Variants in SIPA1L1 observed in about 807,000 individuals in gnomAD.
SIPA1L1 encodes signal-induced proliferation-associated 1-like protein 1.
SIPA1L1 carries 26 observed loss-of-function variants against 162.7 expected under a neutral mutation model. The ratio of observed to expected loss-of-function variants is 0.16; its 90% CI spans 0.12 to 0.22. The LOEUF (loss-of-function observed/expected upper bound fraction) is 0.22. Ranked by LOEUF, SIPA1L1 falls within the 10% of genes least tolerant of loss-of-function variation. The probability of loss-of-function intolerance (pLI) is 1.00; values close to 1 mark genes in which losing one functional copy is unlikely to be tolerated. For missense variants in SIPA1L1, 1,874 were observed against 2,241.0 expected (o/e 0.84, Z 3.31); for synonymous variants, 829 against 837.4 (o/e 0.99, Z 0.17).
Position 71,589,236 on chromosome 14 carries a change from G to T in SIPA1L1, c.1364G>T (p.Cys455Phe). The T allele has an allele frequency of 6.2e-7, 1 of 1,614,064 alleles. No homozygotes were observed. Among genetic ancestry groups the T allele is most frequent in the Non-Finnish European group, 8.5e-7 (1 of 1,179,964 alleles). The change falls in exon 5 of 24, where the codon TGC becomes TTC. Residue 455 changes from cysteine (C) to phenylalanine (F), a missense_variant. Transcript: ENST00000381232. ...TTTGAGTCTACCCTTAGTTCCCATT[G>T]CACAAATGCAGGAGTGGCAGTACTT... ...ASFESTLSSH[C>F]TNAGVAVLEV... is the part of the protein sequence containing the mutation.
At chr14:71,542,707 T>C (rs1164317714) in intron 4 of SIPA1L1, among the ~76,000 whole-genome samples, 3 of 89,790 alleles carry the variant, frequency 3.3e-5, no homozygotes, top group Admixed American at 1.1e-4. Flanking sequence ...TCCTCCTCCC[T>C]CCTCCTCCTC....
intron 13 of SIPA1L1, among the ~76,000 whole-genome samples, chr14:71,694,244 GTA>G (rs750710941): frequency 6.6e-6 from 1 of 152,156 alleles, no homozygotes; most frequent in Non-Finnish European, 1.5e-5. Flanking sequence ...GTGCGTGTGT[GTA>G]TGTGTGTGTG....
At chr14:71,392,618 T>G (rs1321290347) in intron 2 of SIPA1L1, among the ~76,000 whole-genome samples, 3 of 152,126 alleles carry the variant, frequency 2.0e-5, no homozygotes, top group Non-Finnish European at 4.4e-5. Context: ...AGCCCCGCCT[T>G]CCGGCTTCAC....
chr14:71,395,264 C>T (rs1029112622), intron 2 of SIPA1L1, among the ~76,000 whole-genome samples: 8 of 152,080 alleles, frequency 5.3e-5, no homozygotes, highest in African/African-American at 7.3e-5. Context: ...TTCACTGGAC[C>T]GGCAGAGTCC....
chr14:71,464,167 G>A (rs1223266853), intron 2 of SIPA1L1, among the ~76,000 whole-genome samples: 3 of 152,160 alleles, frequency 2.0e-5, no homozygotes, highest in African/African-American at 7.2e-5. Context: ...TAGGTCTAAA[G>A]GGACTAATCC....
chr14:71,693,629 T>C (rs1254135285), intron 13 of SIPA1L1, among the ~76,000 whole-genome samples: 1 of 152,188 alleles, frequency 6.6e-6, no homozygotes, highest in Non-Finnish European at 1.5e-5. Context: ...CACGAGTTGC[T>C]TGAAGTTGAA....
chr14:71,383,809 C>A (rs757986205), intron 2 of SIPA1L1, among the ~76,000 whole-genome samples: 5 of 152,146 alleles, frequency 3.3e-5, no homozygotes, highest in African/African-American at 4.8e-5. Flanking sequence ...GATCTGCCTC[C>A]ATGATCTAGT....
intron 23 of SIPA1L1, 118 bp from the exon 24 acceptor site, chr14:71,738,900 G>T: frequency 1.6e-6 from 2 of 1,218,372 alleles, no homozygotes; most frequent in Non-Finnish European, 2.3e-6. Flanking sequence ...CAGGTGTTTG[G>T]AGGAACGAAG....
At chr14:71,710,289 C>T (rs1274892020) in intron 17 of SIPA1L1, among the ~76,000 whole-genome samples, 3 of 152,276 alleles carry the variant, frequency 2.0e-5, no homozygotes, top group Non-Finnish European at 4.4e-5. Context: ...GAGATCACAC[C>T]TCTAGATAAA....
intron 5 of SIPA1L1, among the ~76,000 whole-genome samples, chr14:71,600,037 A>C (rs150205816): frequency 0.016 from 2,476 of 152,152 alleles, 60 homozygotes; most frequent in African/African-American, 0.056. Context: ...AAGAATTTGG[A>C]AATATTTTAC....
intron 2 of SIPA1L1, among the ~76,000 whole-genome samples, chr14:71,462,336 G>T (rs2046665278): frequency 6.6e-6 from 1 of 152,214 alleles, no homozygotes; most frequent in Admixed American, 6.5e-5. Context: ...TAGTGGATCT[G>T]CTGGGTCATA....
intron 2 of SIPA1L1, among the ~76,000 whole-genome samples, chr14:71,323,199 A>C (rs534971325): frequency 6.6e-6 from 1 of 152,376 alleles, no homozygotes; most frequent in South Asian, 2.1e-4. Context: ...TATTGAAGTC[A>C]TAGATTGAAG....
chr14:71,576,935 T>C (rs1186035256), intron 4 of SIPA1L1, among the ~76,000 whole-genome samples: 2 of 151,736 alleles, frequency 1.3e-5, no homozygotes, highest in Admixed American at 6.6e-5. Context: ...ATATAAAAAT[T>C]AGCCAGGTGT....
chr14:71,335,415 A>G (rs1203734339), intron 2 of SIPA1L1, among the ~76,000 whole-genome samples: 1 of 152,242 alleles, frequency 6.6e-6, no homozygotes, highest in Non-Finnish European at 1.5e-5. Context: ...TCGTTTGATT[A>G]TCAGTCAGCA....
At chr14:71,519,214 T>C (rs66645707) in intron 3 of SIPA1L1, among the ~76,000 whole-genome samples, 28,072 of 152,044 alleles carry the variant, frequency 0.18, 3,098 homozygotes, top group Middle Eastern at 0.36. Context: ...GAGGATCACT[T>C]GAGCCCAGGA....
At chr14:71,356,566 A>AC (rs1433211062) in intron 2 of SIPA1L1, among the ~76,000 whole-genome samples, 2 of 137,092 alleles carry the variant, frequency 1.5e-5, no homozygotes, top group African/African-American at 5.4e-5. Context: ...CCTTGTCTCT[A>AC]CAAAAAAAAA....
intron 12 of SIPA1L1, among the ~76,000 whole-genome samples, chr14:71,675,848 A>G (rs1194539581): frequency 6.6e-6 from 1 of 152,170 alleles, no homozygotes; most frequent in African/African-American, 2.4e-5. Context: ...TGATGACTGT[A>G]TGTAATACAA....
rs1025060816 is a variant in SIPA1L1 at position 71,395,578 on chromosome 14, T to G, written c.-465+74397T>G. ...CTGGGGGCTGAGGTGCGAGGATCAC[T>G]TGAGTCCAGGAGTTTGAGGCTGCAG... On this transcript the variant is annotated intron_variant, in intron 2 of 23. Coordinates refer to ENST00000381232, the MANE Select transcript of SIPA1L1 (RefSeq NM_001386936.1). Among the ~76,000 whole-genome samples, 3 of 152,146 alleles carry G rather than the reference T, an allele frequency of 2.0e-5. No individual in the cohort carries two copies. In the South Asian group the frequency reaches 6.2e-4, roughly 32 times the overall value.
intron 2 of SIPA1L1, among the ~76,000 whole-genome samples, chr14:71,489,460 A>G (rs2049052430): frequency 6.6e-6 from 1 of 152,164 alleles, no homozygotes; most frequent in African/African-American, 2.4e-5. Context: ...GATATTTTCC[A>G]GTTTGACTAG....
Sources: allele counts gnomAD v4.1 joint callset (sites outside exome capture counted in the v4.1 genomes callset), GRCh38; gene constraint gnomAD v4.1.1; transcripts MANE v1.5; gene names NCBI Gene and HGNC (gene_info 2026-07-23, HGNC 2026-07-21).